CNTNAP2: variants seen among roughly 807,000 people sequenced by gnomAD.
The protein encoded by CNTNAP2 is contactin-associated protein-like 2.
A neutral mutation model predicts 155.2 loss-of-function variants in CNTNAP2; 98 were observed. The observed-to-expected ratio is 0.63, with a 90% CI of 0.54 to 0.75. The LOEUF (loss-of-function observed/expected upper bound fraction) is 0.75. CNTNAP2 is among the 30% of genes least tolerant of loss of function. The pLI is 0.00. For synonymous variants in CNTNAP2, 651 were observed against 631.2 expected, an observed-to-expected ratio of 1.03 and a Z score of -0.47; for missense variants, 1,727 against 1,688.1, an observed-to-expected ratio of 1.02 and a Z score of -0.40.
intron 3 of CNTNAP2, among the ~76,000 whole-genome samples, chr7:146,947,212 G>GA (rs199727216): frequency 1.9e-3 from 271 of 146,276 alleles, no homozygotes; most frequent in African/African-American, 3.7e-3. Flanking sequence ...TATGAAGTTA[G>GA]AAAAAAAAAA....
intron 4 of CNTNAP2, among the ~76,000 whole-genome samples, chr7:147,095,263 T>G (rs919927681): frequency 2.0e-5 from 3 of 150,884 alleles, no homozygotes; most frequent in Non-Finnish European, 4.4e-5. Context: ...CTCGAACTCT[T>G]TACCTGAAAT....
intron 10 of CNTNAP2, among the ~76,000 whole-genome samples, chr7:147,465,331 T>C (rs1197165558): frequency 6.6e-6 from 1 of 152,130 alleles, no homozygotes; most frequent in Non-Finnish European, 1.5e-5. Context: ...AAGGAAAAAA[T>C]GTATATTTCA....
At chr7:146,616,446 T>G (rs1464556011) in intron 1 of CNTNAP2, among the ~76,000 whole-genome samples, 2 of 152,224 alleles carry the variant, frequency 1.3e-5, no homozygotes, top group East Asian at 3.9e-4. Flanking sequence ...TTGTTCAATA[T>G]GAGGATGGCC....
chr7:148,151,602 T>C (rs569010993), intron 17 of CNTNAP2, among the ~76,000 whole-genome samples: 20 of 152,374 alleles, frequency 1.3e-4, no homozygotes, highest in Admixed American at 1.2e-3. Flanking sequence ...AGCAGGTCCA[T>C]TCTCATTAAA....
chr7:147,378,973 A>T (rs544397541), intron 9 of CNTNAP2, among the ~76,000 whole-genome samples: 28 of 152,050 alleles, frequency 1.8e-4, no homozygotes, highest in Non-Finnish European at 3.7e-4. Context: ...GAATCATGGC[A>T]GCAGTTCCCC....
At chr7:146,819,643 C>A (rs1803237880) in intron 2 of CNTNAP2, among the ~76,000 whole-genome samples, 1 of 152,136 alleles carries the variant, frequency 6.6e-6, no homozygotes, top group African/African-American at 2.4e-5. Flanking sequence ...TCCTGAGACC[C>A]AAACTCATCT....
At chr7:148,368,098 C>T (rs1346269638) in intron 21 of CNTNAP2, among the ~76,000 whole-genome samples, 1 of 152,206 alleles carries the variant, frequency 6.6e-6, no homozygotes, top group African/African-American at 2.4e-5. Flanking sequence ...GGAAGTCACT[C>T]CCTTTAGGTG....
chr7:147,121,349 G>A (rs1456901715), intron 6 of CNTNAP2, 186 bp downstream of exon 6: 5 of 578,780 alleles, frequency 8.6e-6, no homozygotes, highest in Non-Finnish European at 1.2e-5. Flanking sequence ...ATAATCATGA[G>A]TACTTGAACT....
At chr7:148,087,106 C>T (rs915423021) in intron 15 of CNTNAP2, among the ~76,000 whole-genome samples, 2 of 152,126 alleles carry the variant, frequency 1.3e-5, no homozygotes, top group African/African-American at 4.8e-5. Context: ...CCTCAGAACA[C>T]GTGCCCGAAC....
chr7:146,456,085 A>G (rs765066193), intron 1 of CNTNAP2, among the ~76,000 whole-genome samples: 5 of 152,198 alleles, frequency 3.3e-5, no homozygotes, highest in African/African-American at 4.8e-5. Context: ...TTATGTTTCA[A>G]TATACTTGTT....
intron 1 of CNTNAP2, among the ~76,000 whole-genome samples, chr7:146,708,507 TATTTCC>T (rs1287801500): frequency 2.0e-5 from 3 of 150,528 alleles, no homozygotes; most frequent in Non-Finnish European, 4.4e-5. Flanking sequence ...ATTAAAGTGC[TATTTCC>T]AGAACTTATA....
chr7:146,930,380 G>C lies in CNTNAP2; in HGVS notation c.402+90476G>C, dbSNP rs545522039. On this transcript the variant is annotated intron_variant, in intron 3 of 23. Transcript: ENST00000361727. ...GAGAAATAAAATCCTTTACAGACAA[G>C]CAAATGCTGAGAGATTTTGTCACCA... is the stretch of plus-strand genomic sequence containing the variant. Among the ~76,000 whole-genome samples the C allele has an allele frequency of 2.4e-3, 368 of 152,128 alleles. 1 individual carries two copies. Among genetic ancestry groups the C allele is most frequent in the South Asian group, 5.8e-3 (28 of 4,814 alleles).
chr7:147,704,404 G>T (rs1347684946), intron 13 of CNTNAP2: 2 of 163,112 alleles, frequency 1.2e-5, no homozygotes, highest in South Asian at 1.8e-4. Flanking sequence ...CCAAATATCT[G>T]ACCAGCAAAC....
At position 148,073,494 on chromosome 7, in the gene CNTNAP2, C is replaced by T. The variant is rs143879073; in HGVS notation, c.2384-44624C>T. ...CAGCCATTTGTCCAGCATATCCACGCGGTAGCTGCTACCTGTTCCTGAGTC... is the reference window on the plus strand; with the variant it reads ...CAGCCATTTGTCCAGCATATCCACGTGGTAGCTGCTACCTGTTCCTGAGTC... On this transcript the variant is annotated intron_variant, in intron 15 of 23. Coordinates refer to ENST00000361727, the MANE Select transcript of CNTNAP2 (RefSeq NM_014141.6). Among the ~76,000 whole-genome samples the T allele has an allele frequency of 8.3e-3, 1,258 of 152,308 alleles. 41 individuals are homozygous for T. Among genetic ancestry groups the T allele is most frequent in the Admixed American group, 0.046 (704 of 15,304 alleles).
At chr7:147,101,404 G>A (rs1231693388) in intron 4 of CNTNAP2, among the ~76,000 whole-genome samples, 2 of 152,194 alleles carry the variant, frequency 1.3e-5, no homozygotes, top group East Asian at 1.9e-4. Flanking sequence ...TGGAGCGAGC[G>A]CTTTTGGGCC....
At chr7:146,482,658 G>C (rs890272582) in intron 1 of CNTNAP2, among the ~76,000 whole-genome samples, 8 of 151,698 alleles carry the variant, frequency 5.3e-5, no homozygotes, top group Non-Finnish European at 1.2e-4. Flanking sequence ...CAGGAGAATC[G>C]CTTGAACCTG....
intron 1 of CNTNAP2, among the ~76,000 whole-genome samples, chr7:146,237,463 G>A (rs1799492796): frequency 6.6e-6 from 1 of 152,100 alleles, no homozygotes; most frequent in South Asian, 2.1e-4. Context: ...ACTTTGCATT[G>A]CGTCTTCAGT....
chr7:146,675,816 G>A (rs548649355), intron 1 of CNTNAP2, among the ~76,000 whole-genome samples: 20 of 148,392 alleles, frequency 1.3e-4, no homozygotes, highest in African/African-American at 5.0e-4. Flanking sequence ...AATGTTCTTA[G>A]TTGTATTCAT....
chr7:147,435,472 G>A (rs190258856), intron 10 of CNTNAP2, among the ~76,000 whole-genome samples: 1 of 152,130 alleles, frequency 6.6e-6, no homozygotes, highest in South Asian at 2.1e-4. Context: ...TAGGCATTAG[G>A]ATCTGAGACT....
Sources: gnomAD v4.1 joint callset for allele counts (sites outside exome capture counted in the v4.1 genomes callset) on GRCh38, gnomAD v4.1.1 for gene constraint, MANE v1.5 for transcripts, NCBI Gene and HGNC (gene_info 2026-07-23, HGNC 2026-07-21) for gene names.